The following CNTN3 variants were observed in gnomAD, a reference collection of about 807,000 sequenced individuals.
CNTN3 encodes contactin-3.
CNTN3 carries 60 observed loss-of-function variants against 119.1 expected under a neutral mutation model. The observed-to-expected ratio is 0.50, with a 90% CI of 0.41 to 0.62. CNTN3 has a LOEUF of 0.62. Among genes scored for constraint, CNTN3 ranks in the 20% least tolerant of loss-of-function variants. CNTN3 has a pLI of 0.00. For missense variants in CNTN3, 1,101 were observed against 1,242.4 expected (o/e 0.89, Z 1.71); for synonymous variants, 450 against 438.7 (o/e 1.03, Z -0.32).
chr3:74,307,081 T>C lies in CNTN3; in HGVS notation c.1669-4274A>G, dbSNP rs1196052243. Among the ~76,000 whole-genome samples, 3 of 152,004 alleles carry C rather than the reference T, an allele frequency of 2.0e-5. No individual in the cohort carries two copies. In the East Asian group the frequency reaches 5.8e-4, roughly 29 times the overall value. On this transcript the variant is annotated intron_variant, in intron 13 of 22. Coordinates refer to ENST00000263665, the MANE Select transcript of CNTN3 (RefSeq NM_020872.3). ...TGTCCAGGAAAAGTGGGTAAAAAAA[T>C]AAACTACACTAGGGTACTTAGGCAT...
chr3:74,284,491 T>C (rs1488808), intron 20 of CNTN3, among the ~76,000 whole-genome samples: 43,633 of 152,028 alleles, frequency 0.29, 6,771 homozygotes, highest in East Asian at 0.55. Flanking sequence ...GGAGTAGTTA[T>C]GAGGATTAAA....
chr3:74,539,908 G>A (rs1451310984), intron 1 of CNTN3, among the ~76,000 whole-genome samples: 1 of 152,164 alleles, frequency 6.6e-6, no homozygotes, highest in Non-Finnish European at 1.5e-5. Context: ...TTGCTATGAA[G>A]AGGTGACAGA....
At chr3:74,331,394 G>T (rs1559550636) in intron 13 of CNTN3, among the ~76,000 whole-genome samples, 1 of 152,190 alleles carries the variant, frequency 6.6e-6, no homozygotes, top group Non-Finnish European at 1.5e-5. Flanking sequence ...TGTATCATTA[G>T]GTTTGTGTAA....
At chr3:74,582,759 C>T (rs1018851921) in intron 1 of CNTN3, among the ~76,000 whole-genome samples, 3 of 149,712 alleles carry the variant, frequency 2.0e-5, no homozygotes, top group Non-Finnish European at 4.4e-5. Context: ...ACTGTGGATA[C>T]CCATCAAGTG....
At chr3:74,613,281 T>TG (rs2106722070) in intron 1 of CNTN3, among the ~76,000 whole-genome samples, 1 of 152,134 alleles carries the variant, frequency 6.6e-6, no homozygotes, top group South Asian at 2.1e-4. Context: ...TTTTTTTTTT[T>TG]TTTTTTAGTT....
At chr3:74,592,698 A>C (rs924467892) in intron 1 of CNTN3, among the ~76,000 whole-genome samples, 1 of 152,006 alleles carries the variant, frequency 6.6e-6, no homozygotes, top group African/African-American at 2.4e-5. Context: ...AATGTGGGTC[A>C]CATCTAACCC....
chr3:74,591,144 G>A (rs145009831), intron 1 of CNTN3, among the ~76,000 whole-genome samples: 120 of 151,844 alleles, frequency 7.9e-4, no homozygotes, highest in African/African-American at 1.9e-3. Context: ...TAATGTCCCC[G>A]TATTTCTACT....
chr3:74,500,505 G>A (rs922171584), intron 2 of CNTN3, among the ~76,000 whole-genome samples: 2 of 73,242 alleles, frequency 2.7e-5, no homozygotes, highest in Non-Finnish European at 2.9e-5. Context: ...AAACAAATTC[G>A]CCCAAAAAAA....
chr3:74,494,147 C>T (rs1575780680), intron 3 of CNTN3, among the ~76,000 whole-genome samples: 2 of 152,156 alleles, frequency 1.3e-5, no homozygotes, highest in East Asian at 3.9e-4. Flanking sequence ...TTTAAAGCAG[C>T]CCTCCTCATA....
At chr3:74,419,025 G>T (rs1182776103) in intron 5 of CNTN3, among the ~76,000 whole-genome samples, 4 of 150,780 alleles carry the variant, frequency 2.7e-5, no homozygotes, top group Non-Finnish European at 4.4e-5. Context: ...TTGAACTCCT[G>T]AGTTCAGGCA....
At chr3:74,330,579 T>C (rs1703242022) in intron 13 of CNTN3, among the ~76,000 whole-genome samples, 1 of 152,184 alleles carries the variant, frequency 6.6e-6, no homozygotes, top group Non-Finnish European at 1.5e-5. Flanking sequence ...TACCATACTT[T>C]ATATTGTCAT....
At chr3:74,509,816 C>T (rs189757890) in intron 2 of CNTN3, among the ~76,000 whole-genome samples, 63 of 152,132 alleles carry the variant, frequency 4.1e-4, no homozygotes, top group African/African-American at 1.2e-3. Context: ...CTCATTATCT[C>T]CCTTGTAGTA....
intron 4 of CNTN3, among the ~76,000 whole-genome samples, chr3:74,430,833 G>C (rs1295440207): frequency 6.6e-6 from 1 of 152,036 alleles, no homozygotes; most frequent in African/African-American, 2.4e-5. Flanking sequence ...AGCAAGCAAA[G>C]ATAAAGTCCA....
chr3:74,532,339 G>A (rs75527533), intron 1 of CNTN3, among the ~76,000 whole-genome samples: 5,964 of 151,994 alleles, frequency 0.039, 149 homozygotes, highest in South Asian at 0.069. Context: ...CCTTATCTGT[G>A]GGGCATACAT....
chr3:74,544,928 G>A (rs1703893715), intron 1 of CNTN3, among the ~76,000 whole-genome samples: 1 of 152,136 alleles, frequency 6.6e-6, no homozygotes, highest in Non-Finnish European at 1.5e-5. Flanking sequence ...AGATGGGGAA[G>A]TAATGGAAAA....
intron 11 of CNTN3, among the ~76,000 whole-genome samples, chr3:74,360,719 T>A (rs928008917): frequency 2.6e-5 from 4 of 152,162 alleles, no homozygotes; most frequent in Non-Finnish European, 5.9e-5. Flanking sequence ...CTTGTGGTCA[T>A]GGAACCAAGG....
At chr3:74,309,573 C>A (rs956922132) in intron 13 of CNTN3, among the ~76,000 whole-genome samples, 1 of 152,104 alleles carries the variant, frequency 6.6e-6, no homozygotes. Context: ...CCAGAAACAC[C>A]TAGGTCACAT....
chr3:74,465,810 G>A (rs1702450782), intron 4 of CNTN3, among the ~76,000 whole-genome samples: 1 of 152,120 alleles, frequency 6.6e-6, no homozygotes, highest in African/African-American at 2.4e-5. Context: ...CCTGGGATTT[G>A]TGTCTGAACC....
intron 4 of CNTN3, among the ~76,000 whole-genome samples, chr3:74,435,715 T>C (rs890024883): frequency 6.6e-6 from 1 of 152,244 alleles, no homozygotes. Context: ...TTTAAAAGTA[T>C]TAACTTTGCA....
Sources: allele counts gnomAD v4.1 joint callset (sites outside exome capture counted in the v4.1 genomes callset), GRCh38; gene constraint gnomAD v4.1.1; transcripts MANE v1.5; gene names NCBI Gene and HGNC (gene_info 2026-07-23, HGNC 2026-07-21).